LINGO2: variants seen among roughly 807,000 people sequenced by gnomAD.
LINGO2 encodes the protein leucine-rich repeat and immunoglobulin-like domain-containing nogo receptor-interacting protein 2.
A neutral mutation model predicts 30.6 loss-of-function variants in LINGO2; 14 were observed. That is an observed-to-expected ratio of 0.46 (90% CI 0.30 to 0.72). LINGO2 has a LOEUF of 0.72. Among genes scored for constraint, LINGO2 ranks in the 30% least tolerant of loss-of-function variants. The pLI is 0.07. For synonymous variants in LINGO2, 317 were observed against 288.5 expected (o/e 1.10, Z -1.00); for missense variants, 729 against 751.7 (o/e 0.97, Z 0.35).
intron 3 of LINGO2, among the ~76,000 whole-genome samples, chr9:28,309,483 AATG>A (rs1188223788): frequency 1.3e-5 from 2 of 151,896 alleles, no homozygotes; most frequent in African/African-American, 4.8e-5. Context: ...CCTAATGCAA[AATG>A]ATGAGTTAAT....
intron 1 of LINGO2, among the ~76,000 whole-genome samples, chr9:28,636,524 T>G (rs1305630720): frequency 6.6e-6 from 1 of 152,216 alleles, no homozygotes; most frequent in Non-Finnish European, 1.5e-5. Flanking sequence ...TTCTAACTGG[T>G]GTGAGATGGT....
the LINGO2 span, among the ~76,000 whole-genome samples, chr9:28,784,890 G>A: frequency 6.6e-6 from 1 of 151,584 alleles, no homozygotes; most frequent in African/African-American, 2.4e-5. Context: ...GGAGGTTGTA[G>A]TGAGCCGAGA....
At chr9:28,526,947 T>C (rs1371953810) in intron 1 of LINGO2, among the ~76,000 whole-genome samples, 1 of 152,222 alleles carries the variant, frequency 6.6e-6, no homozygotes, top group Non-Finnish European at 1.5e-5. Flanking sequence ...TCCTTTATAA[T>C]GTAGTTTAAA....
chr9:28,769,514 ATATATTTTTTTTTTTTTTTTT>A, the LINGO2 span, among the ~76,000 whole-genome samples: 44 of 2,012 alleles, frequency 0.022, 4 homozygotes, highest in East Asian at 0.042. Context: ...ATATATATAT[ATATATTTTTTTTTTTTTTTTT>A]TTTTTTTTTT....
chr9:28,203,377 T>A (rs1206641487), intron 4 of LINGO2, among the ~76,000 whole-genome samples: 1 of 152,180 alleles, frequency 6.6e-6, no homozygotes, highest in Non-Finnish European at 1.5e-5. Flanking sequence ...CTCCAACCAC[T>A]GAAGTATGAC....
At chr9:28,016,657 T>TCAA (rs1822854029) in intron 4 of LINGO2, among the ~76,000 whole-genome samples, 1 of 928 alleles carries the variant, frequency 1.1e-3, no homozygotes, top group Non-Finnish European at 2.5e-3. Flanking sequence ...TCCAAACATA[T>TCAA]CAATGAGTTC....
intron 2 of LINGO2, among the ~76,000 whole-genome samples, chr9:28,399,361 C>T (rs371446569): frequency 1.3e-5 from 2 of 151,796 alleles, no homozygotes; most frequent in East Asian, 3.9e-4. Flanking sequence ...TCATAACATT[C>T]GTTATGAAAG....
intron 4 of LINGO2, among the ~76,000 whole-genome samples, chr9:28,022,761 C>T (rs74445474): frequency 0.017 from 2,656 of 151,864 alleles, 88 homozygotes; most frequent in African/African-American, 0.062. Flanking sequence ...AAATTTTCGT[C>T]ATTATTACTT....
chr9:28,385,432 G>A (rs1821539099), intron 2 of LINGO2, among the ~76,000 whole-genome samples: 1 of 152,100 alleles, frequency 6.6e-6, no homozygotes, highest in South Asian at 2.1e-4. Context: ...TGTGTCAGTG[G>A]GGAGGGATTG....
chr9:28,776,008 C>T, the LINGO2 span, among the ~76,000 whole-genome samples: 1 of 152,112 alleles, frequency 6.6e-6, no homozygotes, highest in African/African-American at 2.4e-5. Flanking sequence ...GTCCCTGGCT[C>T]ATGGCAAGCA....
At chr9:27,946,347 G>C (rs1041530553), downstream of LINGO2, among the ~76,000 whole-genome samples, 8 of 152,090 alleles carry the variant, frequency 5.3e-5, no homozygotes, top group African/African-American at 1.9e-4. Context: ...CCATAGATCA[G>C]AGTATGGGAC....
chr9:28,157,791 C>G (rs1330147276), intron 4 of LINGO2, among the ~76,000 whole-genome samples: 1 of 152,148 alleles, frequency 6.6e-6, no homozygotes, highest in Non-Finnish European at 1.5e-5. Flanking sequence ...AGGGCAGGGG[C>G]AAAATGCCAC....
intron 5 of LINGO2, among the ~76,000 whole-genome samples, chr9:27,991,138 A>T (rs1821378023): frequency 6.6e-6 from 1 of 152,034 alleles, no homozygotes; most frequent in Admixed American, 6.6e-5. Flanking sequence ...AACCTTAATG[A>T]TTATTCTAAG....
rs186797666 is a variant in LINGO2 at position 28,385,615 on chromosome 9, G to A, written c.-278-12747C>T. Reference sequence around the variant, plus strand: ...ATTATGAAGCAGAAGGAAATGGAGCGAACAAAAGATAAATATTCAAAACAT... The same window carrying A: ...ATTATGAAGCAGAAGGAAATGGAGCAAACAAAAGATAAATATTCAAAACAT... On this transcript the variant is annotated intron_variant, in intron 2 of 5. Coordinates refer to ENST00000379992, the Ensembl canonical transcript of LINGO2. Among the ~76,000 whole-genome samples, 12 of 152,222 alleles carry A rather than the reference G, an allele frequency of 7.9e-5. No individual in the cohort carries two copies. The East Asian group carries it at 2.3e-3, about 29-fold the overall frequency.
chr9:28,852,488 A>C, the LINGO2 span, among the ~76,000 whole-genome samples: 3 of 152,040 alleles, frequency 2.0e-5, no homozygotes, highest in Admixed American at 2.0e-4. Flanking sequence ...TTATTTATAC[A>C]TATGCCTACA....
chr9:28,405,149 C>T (rs1822446783), intron 2 of LINGO2, among the ~76,000 whole-genome samples: 1 of 152,196 alleles, frequency 6.6e-6, no homozygotes, highest in Admixed American at 6.5e-5. Context: ...ATTAGGTTCA[C>T]TGACATTTTA....
the LINGO2 span, among the ~76,000 whole-genome samples, chr9:29,176,296 T>C: frequency 6.6e-6 from 1 of 152,218 alleles, no homozygotes; most frequent in Admixed American, 6.5e-5. Flanking sequence ...GCTACCAGAC[T>C]GATCTTGGTG....
intron 2 of LINGO2, among the ~76,000 whole-genome samples, chr9:28,461,701 G>C (rs1310030519): frequency 6.6e-6 from 1 of 152,072 alleles, no homozygotes; most frequent in Non-Finnish European, 1.5e-5. Flanking sequence ...GTGGAGAGGA[G>C]AGTAAGAGGA....
the LINGO2 span, among the ~76,000 whole-genome samples, chr9:29,201,339 A>G: frequency 6.6e-6 from 1 of 152,108 alleles, no homozygotes; most frequent in Non-Finnish European, 1.5e-5. Flanking sequence ...TTATAGAGAT[A>G]TAATTCACAT....
Sources: gnomAD v4.1 joint callset for allele counts (sites outside exome capture counted in the v4.1 genomes callset) on GRCh38, gnomAD v4.1.1 for gene constraint, MANE v1.5 for transcripts, NCBI Gene and HGNC (gene_info 2026-07-23, HGNC 2026-07-21) for gene names.